GRK3: variants seen among roughly 807,000 people sequenced by gnomAD.
The protein encoded by GRK3 is adrenergic, beta, receptor kinase 2.
A neutral mutation model predicts 95.7 loss-of-function variants in GRK3; 54 were observed. The observed-to-expected ratio is 0.56, with a 90% CI of 0.45 to 0.71. The LOEUF (loss-of-function observed/expected upper bound fraction) is 0.71. Among genes scored for constraint, GRK3 ranks in the 30% least tolerant of loss-of-function variants. GRK3 has a pLI of 0.00. For synonymous variants in GRK3, 281 were observed against 290.8 expected, an observed-to-expected ratio of 0.97 and a Z score of 0.34; for missense variants, 649 against 851.2, an observed-to-expected ratio of 0.76 and a Z score of 2.96.
chr22:25,700,656 T>C (rs973006456), intron 13 of GRK3, among the ~76,000 whole-genome samples: 14 of 152,178 alleles, frequency 9.2e-5, no homozygotes, highest in Non-Finnish European at 1.9e-4. Context: ...AGTGTGATCT[T>C]GGCTCACTGC....
At chr22:25,637,394 A>T (rs1428139030) in intron 2 of GRK3, among the ~76,000 whole-genome samples, 1 of 152,220 alleles carries the variant, frequency 6.6e-6, no homozygotes, top group Non-Finnish European at 1.5e-5. Flanking sequence ...GAGAACCCTG[A>T]CTAATACAGG....
At chr22:25,653,123 G>T (rs1439088822) in intron 3 of GRK3, among the ~76,000 whole-genome samples, 1 of 151,790 alleles carries the variant, frequency 6.6e-6, no homozygotes, top group Non-Finnish European at 1.5e-5. Context: ...CAACAGAAAG[G>T]CAAAAAAAGG....
At chr22:25,645,077 A>G (rs913791871) in intron 3 of GRK3, among the ~76,000 whole-genome samples, 1 of 152,006 alleles carries the variant, frequency 6.6e-6, no homozygotes, top group African/African-American at 2.4e-5. Context: ...GACAAATTGG[A>G]GATTTGGTGG....
At chr22:25,685,027 CTG>C in intron 9 of GRK3, 141 bp from the exon 10 acceptor site, 2 of 597,038 alleles carry the variant, frequency 3.3e-6, no homozygotes, top group South Asian at 4.3e-5. Flanking sequence ...AAACATCAAA[CTG>C]TACACCATAA....
intron 8 of GRK3, among the ~76,000 whole-genome samples, chr22:25,676,127 G>T (rs1273584786): frequency 6.6e-6 from 1 of 152,156 alleles, no homozygotes; most frequent in Non-Finnish European, 1.5e-5. Flanking sequence ...AAGGAAATTA[G>T]AGTATACTGA....
chr22:25,612,333 T>G (rs2084504446), intron 2 of GRK3, among the ~76,000 whole-genome samples: 1 of 152,208 alleles, frequency 6.6e-6, no homozygotes. Context: ...CTCATTAAAT[T>G]TGTTCCCAAG....
At chr22:25,648,188 C>A in intron 3 of GRK3, 1 of 729,434 alleles carries the variant, frequency 1.4e-6, no homozygotes. Flanking sequence ...GTGCTTATTC[C>A]CTCTCTATTC....
intron 2 of GRK3, among the ~76,000 whole-genome samples, chr22:25,642,064 C>G (rs180716379): frequency 1.6e-4 from 25 of 152,260 alleles, no homozygotes; most frequent in Admixed American, 1.3e-3. Context: ...CAAAAACTGA[C>G]AACATTGAAA....
chr22:25,614,087 C>T (rs2146350034), intron 2 of GRK3, among the ~76,000 whole-genome samples: 1 of 152,102 alleles, frequency 6.6e-6, no homozygotes, highest in South Asian at 2.1e-4. Flanking sequence ...ACTATAGGAG[C>T]ACTGATTTGC....
At chr22:25,705,831 A>G (rs1247754505) in intron 15 of GRK3, among the ~76,000 whole-genome samples, 1 of 152,172 alleles carries the variant, frequency 6.6e-6, no homozygotes, top group Non-Finnish European at 1.5e-5. Flanking sequence ...CTAGATATAG[A>G]ATTCTAAGGA....
chr22:25,699,674 ATTTTCTTTTCTTTTC>A (rs200739535), intron 13 of GRK3, among the ~76,000 whole-genome samples: 105 of 139,978 alleles, frequency 7.5e-4, no homozygotes, highest in African/African-American at 2.5e-3. Flanking sequence ...GGGTCTTTCT[ATTTTCTTTTCTTTTC>A]TTTTCTTTTC....
chr22:25,711,055 T>C lies in GRK3; in HGVS notation c.1396-13T>C. On this transcript the variant is annotated splice_polypyrimidine_tract_variant and intron_variant, in intron 16 of 20. Transcript: ENST00000324198. ...CATCTGAAAACTGTACCATGCTTGT[T>C]TGGATCTTCCAGTACCCACCACCCT... 2 of 1,582,416 alleles carry C rather than the reference T, an allele frequency of 1.3e-6. No homozygotes were observed. The highest frequency in any genetic ancestry group is 1.1e-5 in the South Asian group (1 of 88,982).
chr22:25,585,275 T>C lies in GRK3; in HGVS notation c.114-19102T>C, dbSNP rs1176745684. On this transcript the variant is annotated intron_variant, in intron 1 of 20. Transcript: ENST00000324198. ...TCACTCACATTCCATTGGCGTGTGC[T>C]AGGACCTGTGACTATGTAACCGCAA... Among the ~76,000 whole-genome samples the C allele has an allele frequency of 2.6e-5, 4 of 152,408 alleles. No homozygotes were observed. The South Asian group carries it at 8.3e-4, about 32-fold the overall frequency.
At chr22:25,707,164 A>AGT (rs1419780004) in intron 15 of GRK3, among the ~76,000 whole-genome samples, 1 of 152,108 alleles carries the variant, frequency 6.6e-6, no homozygotes, top group Non-Finnish European at 1.5e-5. Flanking sequence ...CTGCCATTTT[A>AGT]GTGGTTATTG....
At chr22:25,707,776 C>T (rs146562429) in intron 15 of GRK3, among the ~76,000 whole-genome samples, 15 of 152,178 alleles carry the variant, frequency 9.9e-5, no homozygotes, top group Admixed American at 2.0e-4. Flanking sequence ...ATGACTTGGG[C>T]GCTGTATGAA....
rs374412338 is a variant in GRK3, at chr22:25,728,904, C to T, written c.*6454C>T. ...ATTTGTCTCTGTCTGTTTTCATAGCCATCAATATAGTAACATATTTACTAT... is the reference window on the plus strand; with the variant it reads ...ATTTGTCTCTGTCTGTTTTCATAGCTATCAATATAGTAACATATTTACTAT... On this transcript the variant is annotated 3_prime_UTR_variant, in exon 21 of 21. Coordinates refer to ENST00000324198, the MANE Select transcript of GRK3 (RefSeq NM_005160.4). The T allele has an allele frequency of 2.6e-5, 4 of 152,158 alleles. No individual in the cohort carries two copies. The East Asian group carries it at 5.8e-4, about 22-fold the overall frequency. 9.4% of individuals were successfully genotyped at this position (152,158 alleles called of 1,614,324 possible). A position where few individuals can be genotyped will look rare whatever the true frequency, so the allele number is the denominator to read the frequency against.
At chr22:25,707,744 A>G (rs1375780788) in intron 15 of GRK3, among the ~76,000 whole-genome samples, 1 of 152,142 alleles carries the variant, frequency 6.6e-6, no homozygotes, top group African/African-American at 2.4e-5. Context: ...TGAGCAGAGG[A>G]GTGGTGAGTT....
intron 20 of GRK3, 148 bp downstream of exon 20, chr22:25,721,545 T>C: frequency 1.9e-6 from 1 of 536,746 alleles, no homozygotes. Flanking sequence ...TTTCAGCAAA[T>C]TCATCGTGAT....
At chr22:25,708,038 C>A (rs1254600950) in intron 15 of GRK3, among the ~76,000 whole-genome samples, 1 of 152,028 alleles carries the variant, frequency 6.6e-6, no homozygotes, top group Non-Finnish European at 1.5e-5. Flanking sequence ...GAGTTTGCGA[C>A]CAGCCTGACC....
Sources: allele counts gnomAD v4.1 joint callset (sites outside exome capture counted in the v4.1 genomes callset), GRCh38; gene constraint gnomAD v4.1.1; transcripts MANE v1.5; gene names NCBI Gene and HGNC (gene_info 2026-07-23, HGNC 2026-07-21).